TTC23L: variants seen among roughly 807,000 people sequenced by gnomAD.
The protein encoded by TTC23L is tetratricopeptide repeat domain 23 like.
A neutral mutation model predicts 48.1 loss-of-function variants in TTC23L; 42 were observed. The observed-to-expected ratio is 0.87, with a 90% confidence interval of 0.68 to 1.13. TTC23L has a LOEUF of 1.13. Ranked by LOEUF, TTC23L falls within the 50% of genes most tolerant of loss-of-function variation. The pLI, the probability that TTC23L is intolerant of heterozygous loss-of-function variation, is 0.00. For synonymous variants in TTC23L, 159 were observed against 157.2 expected, an observed-to-expected ratio of 1.01 and a Z score of -0.09; for missense variants, 391 against 421.0, an observed-to-expected ratio of 0.93 and a Z score of 0.62.
exon 3 of TTC23L, chr5:34,845,643 G>A: frequency 6.2e-7 from 1 of 1,612,452 alleles, no homozygotes; most frequent in South Asian, 1.1e-5. Flanking sequence ...AATCCCAGAA[G>A]AAAGTAGCTC....
At chr5:34,875,986 C>T (rs554905831) in intron 8 of TTC23L, among the ~76,000 whole-genome samples, 1 of 152,012 alleles carries the variant, frequency 6.6e-6, no homozygotes, top group Non-Finnish European at 1.5e-5. Flanking sequence ...AGAAAGATAC[C>T]TAGAAAATCC....
chr5:34,904,392 G>A (rs1181355518), downstream of TTC23L, among the ~76,000 whole-genome samples: 4 of 151,090 alleles, frequency 2.6e-5, no homozygotes, highest in Non-Finnish European at 4.4e-5. Context: ...TCAAAAGATC[G>A]AGACCATCCT....
chr5:34,863,924 T>C lies in TTC23L; in HGVS notation c.537-513T>C, dbSNP rs1331946955. Among the ~76,000 whole-genome samples, 1 of 152,220 alleles carries C rather than the reference T, an allele frequency of 6.6e-6. No individual in the cohort carries two copies. The highest frequency in any genetic ancestry group is 1.5e-5 in the Non-Finnish European group (1 of 68,038). ...TCTGATATGTGGCCTTCCTCTGTTATACCCTTAGCAGGGGGCTATTGAAAA... is the reference window on the plus strand; with the variant it reads ...TCTGATATGTGGCCTTCCTCTGTTACACCCTTAGCAGGGGGCTATTGAAAA... On this transcript the variant is annotated intron_variant, in intron 5 of 10. Transcript: ENST00000505624. The surrounding 1 kb of genome is among the most constrained non-coding windows in gnomAD (Gnocchi z 4.1).
chr5:34,889,824 T>C (rs1456405355), intron 9 of TTC23L, among the ~76,000 whole-genome samples: 1 of 150,858 alleles, frequency 6.6e-6, no homozygotes, highest in African/African-American at 2.5e-5. Flanking sequence ...CATTATTAGG[T>C]GGGGTTTTTT....
chr5:34,886,037 T>G (rs1244119274), intron 9 of TTC23L, among the ~76,000 whole-genome samples: 1 of 152,172 alleles, frequency 6.6e-6, no homozygotes, highest in Admixed American at 6.5e-5. Context: ...TCAGACTGCC[T>G]GGTGTTGGAA....
the TTC23L span, chr5:34,913,906 C>T: frequency 1.3e-5 from 6 of 452,358 alleles, no homozygotes; most frequent in African/African-American, 6.0e-5. Flanking sequence ...TTTATTGATA[C>T]GGGGGTCTCA....
At chr5:34,905,280 T>C in the TTC23L span, 3 of 152,192 alleles carry the variant, frequency 2.0e-5, no homozygotes, top group African/African-American at 7.2e-5. Flanking sequence ...CCCAATAGAT[T>C]TTATTTCAGG....
chr5:34,847,903 G>A (rs1045370151), intron 3 of TTC23L, among the ~76,000 whole-genome samples: 3 of 152,148 alleles, frequency 2.0e-5, no homozygotes, highest in Non-Finnish European at 4.4e-5. Flanking sequence ...AATAACCTAT[G>A]GTACTGCTGT....
intron 4 of TTC23L, among the ~76,000 whole-genome samples, chr5:34,857,732 C>T (rs559972848): frequency 5.9e-5 from 9 of 152,098 alleles, no homozygotes; most frequent in South Asian, 4.2e-4. Flanking sequence ...TTAATCCTTG[C>T]GACAACTCTA....
At chr5:34,879,154 G>A (rs1762052436) in intron 8 of TTC23L, among the ~76,000 whole-genome samples, 1 of 152,152 alleles carries the variant, frequency 6.6e-6, no homozygotes, top group South Asian at 2.1e-4. Context: ...GTGCACATGG[G>A]CTTAGTGCAG....
At chr5:34,858,991 T>C (rs987427188) in intron 4 of TTC23L, among the ~76,000 whole-genome samples, 15 of 152,190 alleles carry the variant, frequency 9.9e-5, no homozygotes, top group Admixed American at 4.6e-4. Flanking sequence ...CTCCTGGGAA[T>C]TGCACAACCA....
At chr5:34,845,626 T>G in exon 3 of TTC23L, 1 of 1,613,732 alleles carries the variant, frequency 6.2e-7, no homozygotes, top group African/African-American at 1.3e-5. Flanking sequence ...CAAAGAGAAA[T>G]TAGCCCAATC....
the TTC23L span, among the ~76,000 whole-genome samples, chr5:34,919,191 G>A: frequency 4.7e-5 from 7 of 149,500 alleles, no homozygotes; most frequent in South Asian, 1.5e-3. Context: ...CAGGAGGATG[G>A]CTTGAGCCCA....
chr5:34,925,522 AG>A, the TTC23L span: 1 of 1,585,592 alleles, frequency 6.3e-7, no homozygotes, highest in South Asian at 1.2e-5. Context: ...TTTGTTTTTC[AG>A]TTACTTTATA....
chr5:34,878,016 A>T (rs940819078), intron 8 of TTC23L, among the ~76,000 whole-genome samples: 1 of 152,234 alleles, frequency 6.6e-6, no homozygotes, highest in African/African-American at 2.4e-5. Context: ...AGAAGTCAAT[A>T]CTTTCCTATA....
chr5:34,923,304 A>T, the TTC23L span: 1 of 1,247,874 alleles, frequency 8.0e-7, no homozygotes, highest in Non-Finnish European at 1.2e-6. Flanking sequence ...TTTGAGACAG[A>T]GTCTCGCTCT....
chr5:34,859,528 G>C (rs1189255890), intron 4 of TTC23L, among the ~76,000 whole-genome samples: 3 of 152,084 alleles, frequency 2.0e-5, no homozygotes, highest in African/African-American at 4.8e-5. Flanking sequence ...AGGTGATTAG[G>C]CTATGAGGGC....
the TTC23L span, chr5:34,907,048 T>C: frequency 6.6e-6 from 1 of 152,210 alleles, no homozygotes; most frequent in Non-Finnish European, 1.5e-5. Flanking sequence ...ATTGAGACAC[T>C]TACTAGTTAT....
chr5:34,922,904 T>G, the TTC23L span: 1 of 1,226,124 alleles, frequency 8.2e-7, no homozygotes, highest in Non-Finnish European at 1.2e-6. Context: ...CAGGTACATT[T>G]ATAATGAGGT....
Sources: gnomAD v4.1 joint callset for allele counts (sites outside exome capture counted in the v4.1 genomes callset) on GRCh38, gnomAD v4.1.1 for gene constraint, Gnocchi (gnomAD v3.1) non-coding constraint, MANE v1.5 for transcripts, NCBI Gene and HGNC (gene_info 2026-07-23, HGNC 2026-07-21) for gene names.